Variants in ZEB1 observed in about 807,000 individuals in gnomAD.
The protein encoded by ZEB1 is zinc finger E-box-binding homeobox 1.
ZEB1 carries 21 observed loss-of-function variants against 84.9 expected under a neutral mutation model. That is an observed-to-expected ratio of 0.25 (90% CI 0.18 to 0.36). The LOEUF is 0.36. Among genes scored for constraint, ZEB1 ranks in the 10% least tolerant of loss-of-function variants. ZEB1 has a pLI of 1.00. For missense variants in ZEB1, 1,104 were observed against 1,330.2 expected (o/e 0.83, Z 2.65); for synonymous variants, 420 against 471.1 (o/e 0.89, Z 1.41).
intron 1 of ZEB1, among the ~76,000 whole-genome samples, chr10:31,379,419 C>G (rs1007042871): frequency 2.0e-5 from 3 of 151,666 alleles, no homozygotes; most frequent in African/African-American, 7.3e-5. Context: ...CTTTTTCTGT[C>G]TCTGTCTGTC....
chr10:31,404,555 T>A (rs1037556953), intron 1 of ZEB1, among the ~76,000 whole-genome samples: 4 of 152,188 alleles, frequency 2.6e-5, no homozygotes, highest in Non-Finnish European at 4.4e-5. Context: ...ACACTACTTA[T>A]TTTGACATAG....
intron 1 of ZEB1, among the ~76,000 whole-genome samples, chr10:31,323,269 A>G (rs1265204006): frequency 6.6e-6 from 1 of 152,120 alleles, no homozygotes; most frequent in Admixed American, 6.5e-5. Flanking sequence ...TTTAAAATTC[A>G]TAGTAAGATC....
intron 1 of ZEB1, among the ~76,000 whole-genome samples, chr10:31,452,728 TGTGTGTGTGTGTGTGAGAGA>T (rs1423482139): frequency 1.0e-4 from 13 of 123,826 alleles, no homozygotes; most frequent in African/African-American, 5.1e-4. Flanking sequence ...TGTGTGTGTG[TGTGTGTGTGTGTGTGAGAGA>T]GAGAGAGAGA....
chr10:31,441,815 T>C (rs994898813), intron 1 of ZEB1, among the ~76,000 whole-genome samples: 5 of 152,172 alleles, frequency 3.3e-5, no homozygotes, highest in African/African-American at 9.7e-5. Context: ...AAATGCTCAT[T>C]ATCACTGGCC....
chr10:31,417,853 A>G (rs964427376), intron 1 of ZEB1, among the ~76,000 whole-genome samples: 1 of 152,052 alleles, frequency 6.6e-6, no homozygotes, highest in Non-Finnish European at 1.5e-5. Flanking sequence ...GGATTTCTGG[A>G]CTACAATCAT....
At chr10:31,319,974 C>T (rs1417967506) in intron 1 of ZEB1, 1 of 149,878 alleles carries the variant, frequency 6.7e-6, no homozygotes, top group Non-Finnish European at 1.5e-5. Context: ...GCTGTGCGCG[C>T]CGCGGGCGGA....
At chr10:31,452,930 G>C (rs941671468) in intron 1 of ZEB1, among the ~76,000 whole-genome samples, 1 of 152,010 alleles carries the variant, frequency 6.6e-6, no homozygotes, top group African/African-American at 2.4e-5. Flanking sequence ...CTTAATATGA[G>C]TACAGTCTGT....
intron 1 of ZEB1, among the ~76,000 whole-genome samples, chr10:31,339,164 A>G (rs1336997769): frequency 6.6e-6 from 1 of 152,214 alleles, no homozygotes; most frequent in African/African-American, 2.4e-5. Context: ...CTCATCCTGT[A>G]GCCATATATG....
intron 7 of ZEB1, among the ~76,000 whole-genome samples, chr10:31,523,393 C>G (rs542031042): frequency 3.3e-5 from 5 of 152,328 alleles, no homozygotes; most frequent in South Asian, 2.1e-4. Flanking sequence ...GCACACCTCT[C>G]TCTTTTCAAG....
intron 1 of ZEB1, among the ~76,000 whole-genome samples, chr10:31,364,071 C>T (rs539186306): frequency 3.5e-4 from 53 of 152,252 alleles, no homozygotes; most frequent in Admixed American, 6.5e-4. Context: ...TGTGCACAGA[C>T]GAAACTAAGG....
At chr10:31,420,515 T>C (rs1203551965) in intron 1 of ZEB1, among the ~76,000 whole-genome samples, 3 of 152,166 alleles carry the variant, frequency 2.0e-5, no homozygotes, top group African/African-American at 7.2e-5. Flanking sequence ...GCTTTGCCTC[T>C]CTGAATTCAG....
intron 1 of ZEB1, among the ~76,000 whole-genome samples, chr10:31,460,145 G>A (rs1228785681): frequency 1.3e-5 from 2 of 151,582 alleles, no homozygotes; most frequent in Non-Finnish European, 2.9e-5. Context: ...ATTATTGCAA[G>A]GACTCTAAAG....
At chr10:31,415,077 G>T (rs550215976) in intron 1 of ZEB1, among the ~76,000 whole-genome samples, 4 of 152,140 alleles carry the variant, frequency 2.6e-5, no homozygotes, top group East Asian at 1.9e-4. Context: ...AATCCACTTT[G>T]CCCACCTCCA....
At chr10:31,332,445 T>C (rs2133303362) in intron 1 of ZEB1, among the ~76,000 whole-genome samples, 1 of 152,378 alleles carries the variant, frequency 6.6e-6, no homozygotes, top group Non-Finnish European at 1.5e-5. Context: ...CTTCATTCAC[T>C]ATTACTAGTT....
At chr10:31,319,192 G>C (rs775241711), upstream of ZEB1, 2 of 1,515,498 alleles carry the variant, frequency 1.3e-6, no homozygotes, top group South Asian at 1.2e-5. Context: ...GGGGAGGGAG[G>C]GGGAGGAGGT....
intron 1 of ZEB1, among the ~76,000 whole-genome samples, chr10:31,337,657 C>T (rs537124583): frequency 6.8e-6 from 1 of 147,086 alleles, no homozygotes; most frequent in Non-Finnish European, 1.5e-5. Context: ...TTTAATATAG[C>T]AGATAAAGCT....
At chr10:31,397,796 G>A (rs2051079867) in intron 1 of ZEB1, among the ~76,000 whole-genome samples, 1 of 152,040 alleles carries the variant, frequency 6.6e-6, no homozygotes, top group African/African-American at 2.4e-5. Context: ...AAAGTCTATG[G>A]TATTTACTAA....
intron 1 of ZEB1, among the ~76,000 whole-genome samples, chr10:31,326,212 CAT>C (rs545775624): frequency 1.3e-4 from 20 of 152,110 alleles, no homozygotes; most frequent in African/African-American, 4.1e-4. Flanking sequence ...TATGGAATAA[CAT>C]GTAGTGAAAT....
chr10:31,474,214 T>C (rs2138108638), intron 2 of ZEB1, among the ~76,000 whole-genome samples: 1 of 151,764 alleles, frequency 6.6e-6, no homozygotes, highest in East Asian at 1.9e-4. Context: ...ACAAATGGGA[T>C]CTAATTAAAC....
Sources: allele counts gnomAD v4.1 joint callset (sites outside exome capture counted in the v4.1 genomes callset), GRCh38; gene constraint gnomAD v4.1.1; transcripts MANE v1.5; gene names NCBI Gene and HGNC (gene_info 2026-07-23, HGNC 2026-07-21).